The following WDR19 variants were observed in gnomAD, a reference collection of about 807,000 sequenced individuals.
The protein encoded by WDR19 is WD repeat-containing protein 19.
A neutral mutation model predicts 180.0 loss-of-function variants in WDR19; 121 were observed. That is an observed-to-expected ratio of 0.67 (90% CI 0.58 to 0.78). WDR19 has a LOEUF of 0.78. Among genes scored for constraint, WDR19 ranks in the 30% least tolerant of loss-of-function variants. WDR19 has a pLI of 0.00. For missense variants in WDR19, 1,450 were observed against 1,640.7 expected (o/e 0.88, Z 2.01); for synonymous variants, 497 against 540.7 (o/e 0.92, Z 1.12).
At chr4:39,244,802 C>T (rs138731728) in intron 23 of WDR19, among the ~76,000 whole-genome samples, 2,320 of 152,212 alleles carry the variant, frequency 0.015, 30 homozygotes, top group Non-Finnish European at 0.024. Context: ...AAACAAAAAC[C>T]CTGTTGTCCT....
intron 2 of WDR19, 92 bp downstream of exon 2, chr4:39,185,909 T>C: frequency 1.7e-6 from 2 of 1,150,384 alleles, no homozygotes; most frequent in Non-Finnish European, 2.4e-6. Context: ...GTTGTTTTTT[T>C]TTTTTAAATG....
At position 39,253,971 on chromosome 4, in the gene WDR19, A is replaced by G. The variant is rs760087826; in HGVS notation, c.2942A>G (p.Asn981Ser). ...TTTCTTGTCATGTCCAAATGCAACA[A>G]TGAAGCTTTCACACTGGCTCAGCAA... ...IQFLVMSKCN[N>S]EAFTLAQQHN... The change falls in exon 26 of 37, where the codon AAT becomes AGT. Residue 981 changes from asparagine to serine, a missense_variant. Coordinates refer to ENST00000399820, the MANE Select transcript of WDR19 (RefSeq NM_025132.4). 2 of 1,612,784 alleles carry G rather than the reference A, an allele frequency of 1.2e-6. No individual in the cohort carries two copies. The highest frequency in any genetic ancestry group is 1.1e-5 in the South Asian group (1 of 91,014).
chr4:39,275,072 G>T (rs1425381558), intron 33 of WDR19, 114 bp downstream of exon 33: 15 of 1,301,232 alleles, frequency 1.2e-5, no homozygotes, highest in Admixed American at 2.0e-5. Context: ...AGGTGCAGTG[G>T]CTCACACCTA....
intron 24 of WDR19, among the ~76,000 whole-genome samples, chr4:39,252,133 A>G (rs1733267421): frequency 6.6e-6 from 1 of 151,930 alleles, no homozygotes; most frequent in African/African-American, 2.4e-5. Flanking sequence ...GATAGACTGG[A>G]TTAAGAAAAT....
rs769205653 is a variant in WDR19 at position 39,203,742 on chromosome 4, C to T, written c.603+20C>T. The T allele has an allele frequency of 6.3e-7, 1 of 1,598,512 alleles. No homozygotes were observed. The highest frequency in any genetic ancestry group is 8.6e-7 in the Non-Finnish European group (1 of 1,169,522). On this transcript the variant is annotated intron_variant, in intron 7 of 36. Coordinates refer to ENST00000399820, the MANE Select transcript of WDR19 (RefSeq NM_025132.4). Reference sequence around the variant, plus strand: ...AGCATGGTAAGAATTCTAATCAAATCCACGTGCAAATCATTTGGGTAATTT... The same window carrying T: ...AGCATGGTAAGAATTCTAATCAAATTCACGTGCAAATCATTTGGGTAATTT...
Position 39,228,465 on chromosome 4 carries a change from G to A in WDR19, c.1778-21G>A, listed in dbSNP as rs141925347. On this transcript the variant is annotated intron_variant, in intron 16 of 36. Coordinates refer to ENST00000399820, the MANE Select transcript of WDR19 (RefSeq NM_025132.4). ...GCTGAGTATTAGCTTTCAGCATTGC[G>A]ATGTCTGTTTTATAATGTAGGAGCC... The A allele has an allele frequency of 3.6e-4, 583 of 1,611,560 alleles. 1 individual carries two copies. The African/African-American group carries it at 5.2e-3, about 14-fold the overall frequency.
At chr4:39,211,682 C>G (rs1321860410) in intron 9 of WDR19, among the ~76,000 whole-genome samples, 1 of 152,076 alleles carries the variant, frequency 6.6e-6, no homozygotes. Context: ...TCCAAAGAAA[C>G]TGAACTGCTT....
At chr4:39,233,426 T>C (rs539440278) in intron 19 of WDR19, among the ~76,000 whole-genome samples, 2 of 152,286 alleles carry the variant, frequency 1.3e-5, no homozygotes, top group South Asian at 4.1e-4. Flanking sequence ...TTCTTTAAAG[T>C]AGGAAGAATA....
At chr4:39,239,529 A>G (rs986007049) in intron 20 of WDR19, among the ~76,000 whole-genome samples, 2 of 152,186 alleles carry the variant, frequency 1.3e-5, no homozygotes, top group African/African-American at 4.8e-5. Context: ...AATAAAATTA[A>G]TGTAGCTTCT....
intron 9 of WDR19, among the ~76,000 whole-genome samples, chr4:39,212,740 A>G (rs1377278014): frequency 6.6e-6 from 1 of 152,264 alleles, no homozygotes; most frequent in Non-Finnish European, 1.5e-5. Flanking sequence ...AGGACTCTCA[A>G]GACCCAACAG....
At chr4:39,221,275 C>T (rs752108511) in intron 14 of WDR19, among the ~76,000 whole-genome samples, 1 of 152,014 alleles carries the variant, frequency 6.6e-6, no homozygotes, top group Non-Finnish European at 1.5e-5. Flanking sequence ...GGGAAATTTT[C>T]AGGAGGAAGA....
intron 9 of WDR19, among the ~76,000 whole-genome samples, chr4:39,207,508 A>T (rs1187720151): frequency 6.6e-6 from 1 of 152,192 alleles, no homozygotes; most frequent in Non-Finnish European, 1.5e-5. Flanking sequence ...GACAAAGAAA[A>T]AATCTTGAAA....
chr4:39,205,841 T>G (rs1369962380), intron 9 of WDR19, 105 bp downstream of exon 9: 1 of 1,100,000 alleles, frequency 9.1e-7, no homozygotes, highest in East Asian at 2.7e-5. Flanking sequence ...TGTTTACAAT[T>G]TAAAACGTCT....
At chr4:39,230,684 G>GT (rs1406186218) in intron 17 of WDR19, among the ~76,000 whole-genome samples, 1 of 152,062 alleles carries the variant, frequency 6.6e-6, no homozygotes. Context: ...TTCCCCAATT[G>GT]TGACTGCCTT....
At chr4:39,259,522 T>C (rs1254929273) in intron 28 of WDR19, among the ~76,000 whole-genome samples, 1 of 152,242 alleles carries the variant, frequency 6.6e-6, no homozygotes, top group Non-Finnish European at 1.5e-5. Flanking sequence ...TTGTGCCTGC[T>C]TCTCTCATTT....
At chr4:39,187,580 GC>G (rs1725706415) in intron 3 of WDR19, among the ~76,000 whole-genome samples, 1 of 152,010 alleles carries the variant, frequency 6.6e-6, no homozygotes, top group Non-Finnish European at 1.5e-5. Context: ...CTCCTGCCCT[GC>G]CCCACCCACC....
At chr4:39,261,178 A>G (rs1438613609) in intron 28 of WDR19, among the ~76,000 whole-genome samples, 2 of 144,978 alleles carry the variant, frequency 1.4e-5, no homozygotes, top group Non-Finnish European at 3.0e-5. Context: ...TTTAGTAGAG[A>G]CGGATGTTTT....
At chr4:39,202,103 A>G (rs1161140414) in intron 6 of WDR19, among the ~76,000 whole-genome samples, 1 of 152,118 alleles carries the variant, frequency 6.6e-6, no homozygotes, top group African/African-American at 2.4e-5. Context: ...CTCTTTGAAT[A>G]TTACTTCTTG....
intron 12 of WDR19, among the ~76,000 whole-genome samples, chr4:39,216,710 G>A (rs978267899): frequency 6.6e-6 from 1 of 152,136 alleles, no homozygotes; most frequent in Non-Finnish European, 1.5e-5. Flanking sequence ...ATTAGCATGT[G>A]AGGAAAACCT....
Sources: allele counts gnomAD v4.1 joint callset (sites outside exome capture counted in the v4.1 genomes callset), GRCh38; gene constraint gnomAD v4.1.1; transcripts MANE v1.5; gene names NCBI Gene and HGNC (gene_info 2026-07-23, HGNC 2026-07-21).